The following RTKN variants were observed in gnomAD, a reference collection of about 807,000 sequenced individuals.
The protein encoded by RTKN is rhotekin.
In RTKN, 49 loss-of-function variants were observed where a neutral mutation model predicts 63.5. That is an observed-to-expected ratio of 0.77 (90% CI 0.61 to 0.98). The LOEUF is 0.98. Among genes scored for constraint, RTKN ranks in the 50% least tolerant of loss-of-function variants. The pLI is 0.00. For synonymous variants in RTKN, 295 were observed against 290.4 expected (o/e 1.02, Z -0.16); for missense variants, 685 against 740.8 (o/e 0.92, Z 0.87).
intron 2 of RTKN, among the ~76,000 whole-genome samples, chr2:74,431,602 C>G (rs55992452): frequency 6.6e-6 from 1 of 152,134 alleles, no homozygotes; most frequent in African/African-American, 2.4e-5. Context: ...CAGAGGCTGT[C>G]CCCCCACCAG....
rs1308886933 is a variant in RTKN at position 74,429,037 on chromosome 2, G to A, written c.756-95C>T. ...GCAGATCTGCCCCATTGTTCAGACT[G>A]CCCCACAGAAAACTCGCTTGCCTCC... On this transcript the variant is annotated intron_variant, in intron 6 of 11. Transcript: ENST00000272430. The A allele has an allele frequency of 7.0e-6, 7 of 1,001,210 alleles. No individual in the cohort carries two copies. In the East Asian group the frequency reaches 1.2e-4, roughly 18 times the overall value. 62.0% of individuals were successfully genotyped at this position (1,001,210 alleles called of 1,614,324 possible).
At chr2:74,431,065 A>AT (rs3216578) in intron 2 of RTKN, 5,932 of 164,336 alleles carry the variant, frequency 0.036, 107 homozygotes, top group South Asian at 0.092. Flanking sequence ...TCCAGTCTTT[A>AT]TTTTTTTTTT....
chr2:74,441,121 A>T (rs907224410), intron 1 of RTKN, among the ~76,000 whole-genome samples: 1 of 152,024 alleles, frequency 6.6e-6, no homozygotes, highest in Non-Finnish European at 1.5e-5. Context: ...TAGGGGCTGG[A>T]CTCCTCTTAG....
rs2103914900 is a variant in RTKN, at chr2:74,436,261, C to T, written c.112-3595G>A. Among the ~76,000 whole-genome samples the T allele has an allele frequency of 6.6e-6, 1 of 152,384 alleles. No individual in the cohort carries two copies. Among genetic ancestry groups the T allele is most frequent in the African/African-American group, 2.4e-5 (1 of 41,592 alleles). On this transcript the variant is annotated intron_variant, in intron 1 of 11. Coordinates refer to ENST00000272430, the MANE Select transcript of RTKN (RefSeq NM_001015055.2). This position sits in a 1 kb window ranked among gnomAD's most constrained non-coding sequence, Gnocchi z 4.3. Reference sequence around the variant, plus strand: ...GCGAGGTCCAGAGAGCTGCACTGGCCTGGGGAGCCGGCTGGGTCCGAGGGC... The same window carrying T: ...GCGAGGTCCAGAGAGCTGCACTGGCTTGGGGAGCCGGCTGGGTCCGAGGGC...
rs1430730444 is a variant in RTKN at position 74,429,847 on chromosome 2, G to A, written c.736C>T (p.Leu246Phe). Residue 246 changes from leucine (L) to phenylalanine (F), a missense_variant, in exon 6 of 12, where the codon CTC (leucine) becomes TTC (phenylalanine). Coordinates refer to ENST00000272430, the MANE Select transcript of RTKN (RefSeq NM_001015055.2). ...AGGSGSSPIL[L>F]PTPVVGGPRY... ...CCTTACCCAACAACTGGGGTGGGGAGCAAGATGGGACTGCTCCCTGAACCC... is the reference window on the plus strand; with the variant it reads ...CCTTACCCAACAACTGGGGTGGGGAACAAGATGGGACTGCTCCCTGAACCC... The A allele has an allele frequency of 3.1e-6, 5 of 1,613,776 alleles. No homozygotes were observed. The highest frequency in any genetic ancestry group is 4.2e-6 in the Non-Finnish European group (5 of 1,179,964).
At position 74,429,887 on chromosome 2, in the gene RTKN, C is replaced by G; in HGVS notation, c.696G>C (p.Ser232=). 1 of 1,614,216 alleles carries G rather than the reference C, an allele frequency of 6.2e-7. No individual in the cohort carries two copies. Among genetic ancestry groups the G allele is most frequent in the African/African-American group, 1.3e-5 (1 of 75,062 alleles). Residue 232 remains serine, a synonymous_variant, in exon 6 of 12, where the codon TCG becomes TCC. Transcript: ENST00000272430. ...GRSSGRRVRA[S]LDSAGGSGSS... is the part of the protein sequence containing the mutation. Reference sequence around the variant, plus strand: ...TCCCTGAACCCCCAGCACTGTCCAGCGATGCCCGGACACGCCTCCCTGAGG... The same window carrying G: ...TCCCTGAACCCCCAGCACTGTCCAGGGATGCCCGGACACGCCTCCCTGAGG...
rs932659329 is a variant in RTKN, at chr2:74,436,605, T to A, written c.112-3939A>T. 6.6e-6 allele frequency among the ~76,000 whole-genome samples: 1 copy of A among 151,684 alleles called. No homozygotes were observed. The highest frequency in any genetic ancestry group is 1.5e-5 in the Non-Finnish European group (1 of 67,900). The stretch of plus-strand genomic sequence containing the variant: ...TCCAAGGTGACCCCTTGCCTGAGAG[T>A]ATGGAGGGCGAATAGTGTATAAATT... On this transcript the variant is annotated intron_variant, in intron 1 of 11. Transcript: ENST00000272430. This position sits in a 1 kb window ranked among gnomAD's most constrained non-coding sequence, Gnocchi z 4.3.
Position 74,426,260 on chromosome 2 carries a change from G to A in RTKN, c.1675C>T (p.Leu559Phe). The change falls in exon 12 of 12, where the codon CTC (leucine) becomes TTC (phenylalanine). Residue 559 changes from leucine (L) to phenylalanine (F), a missense_variant. Physicochemically the swap from Leu to Phe is conservative, Grantham distance 22 (BLOSUM62 0). Coordinates refer to ENST00000272430, the MANE Select transcript of RTKN (RefSeq NM_001015055.2). ...LCSKGQPRTWLQSPV is the reference protein window; with the variant it reads ...LCSKGQPRTWFQSPV ...TTTCTCTCTCACACTGGTGACTGGA[G>A]CCAAGTGCGAGGTTGGCCTTTGCTG... 6.2e-7 allele frequency: 1 copy of A among 1,614,044 alleles called. No individual in the cohort carries two copies. The highest frequency in any genetic ancestry group is 8.5e-7 in the Non-Finnish European group (1 of 1,179,918).
Position 74,426,376 on chromosome 2 carries a change from G to C in RTKN, c.1559C>G (p.Ser520Cys), listed in dbSNP as rs1670390683. 6.2e-7 allele frequency: 1 copy of C among 1,611,494 alleles called. No homozygotes were observed. Among genetic ancestry groups the C allele is most frequent in the Non-Finnish European group, 8.5e-7 (1 of 1,178,722 alleles). Reference sequence around the variant, plus strand: ...GTGGTCTGGGGGGACAGCATCCAGGGAAAAGGTTCGGGGTCTCCCCCAGGG... The same window carrying C: ...GTGGTCTGGGGGGACAGCATCCAGGCAAAAGGTTCGGGGTCTCCCCCAGGG... ...PLPWGRPRTFSLDAVPPDHSP... is the reference protein window; with the variant it reads ...PLPWGRPRTFCLDAVPPDHSP... Residue 520 changes from serine to cysteine, a missense_variant, in exon 12 of 12, where the codon TCC becomes TGC. Ser to Cys is a moderately radical substitution (Grantham distance 112, BLOSUM62 -1). Coordinates refer to ENST00000272430, the MANE Select transcript of RTKN (RefSeq NM_001015055.2).
intron 1 of RTKN, chr2:74,440,561 C>A: frequency 1.0e-6 from 1 of 985,954 alleles, no homozygotes. Flanking sequence ...TGCGGCTCCG[C>A]CCCAGCTCCT....
At chr2:74,432,141 A>T in intron 2 of RTKN, 1 of 456,290 alleles carries the variant, frequency 2.2e-6, no homozygotes, top group Admixed American at 3.5e-5. Flanking sequence ...TGAGGAAATT[A>T]ATTTTCCAAA....
At chr2:74,439,804 G>T in intron 1 of RTKN, 1 of 1,409,972 alleles carries the variant, frequency 7.1e-7, no homozygotes. Context: ...CCCTCTGGCT[G>T]CTGTGACAAA....
rs763441002 is a variant in RTKN at position 74,428,703 on chromosome 2, G to A, written c.885C>T (p.Ser295=). 1.0e-4 allele frequency: 169 copies of A among 1,613,884 alleles called. No individual in the cohort carries two copies. Among genetic ancestry groups the A allele is most frequent in the Non-Finnish European group, 1.4e-4 (163 of 1,179,982 alleles). The change falls in exon 8 of 12, where the codon AGC becomes AGT. Residue 295 remains serine (S), a synonymous_variant. Coordinates refer to ENST00000272430, the MANE Select transcript of RTKN (RefSeq NM_001015055.2). ...ENPAWLPLYG[S]VCCRLAAQPL... ...GCTGAGCTGCCAGACGGCAACACACGCTACCATAAAGGGGCAGCCAGGCAG... is the reference window on the plus strand; with the variant it reads ...GCTGAGCTGCCAGACGGCAACACACACTACCATAAAGGGGCAGCCAGGCAG...
chr2:74,440,546 G>T, intron 1 of RTKN: 1 of 986,056 alleles, frequency 1.0e-6, no homozygotes, highest in Non-Finnish European at 1.2e-6. Context: ...GCGGCCGCCA[G>T]GCCCTGCGGC....
chr2:74,428,433 G>C (rs114672825), intron 8 of RTKN, 37 bp from the exon 9 acceptor site: 3 of 1,613,842 alleles, frequency 1.9e-6, no homozygotes, highest in South Asian at 1.1e-5. Context: ...GGGAAGTCAC[G>C]GCCCCCAGTA....
In RTKN at chr2:74,441,716, T is replaced by A; in HGVS notation, c.101A>T (p.Asp34Val). 1.2e-6 allele frequency: 2 copies of A among 1,610,152 alleles called. No homozygotes were observed. The highest frequency in any genetic ancestry group is 1.7e-4 in the Middle Eastern group (1 of 5,926). Residue 34 changes from aspartate (D) to valine (V), a missense_variant, in exon 1 of 12, where the codon GAC (aspartate) becomes GTC (valine). Physicochemically the swap from Asp to Val is radical, Grantham distance 152. Coordinates refer to ENST00000272430, the MANE Select transcript of RTKN (RefSeq NM_001015055.2). ...ACGCGAGTCTCTCACCTCGGGCAGG[T>A]CGCTGAAGAGGCTGAGTCGGAAGCG... ...RGRFRLSLFS[D>V]LPEDTELQRK... is the part of the protein sequence containing the mutation.
At chr2:74,439,098 G>T (rs1292884831) in intron 1 of RTKN, among the ~76,000 whole-genome samples, 1 of 152,128 alleles carries the variant, frequency 6.6e-6, no homozygotes, top group Non-Finnish European at 1.5e-5. Context: ...AATATAGTGA[G>T]ACCTCGTCTC....
chr2:74,426,533 G>T lies in RTKN; in HGVS notation c.1402C>A (p.Leu468Met). The T allele has an allele frequency of 6.5e-7, 1 of 1,547,586 alleles. No homozygotes were observed. The highest frequency in any genetic ancestry group is 2.3e-5 in the East Asian group (1 of 44,152). ...LDDIAAVTDILTQREGARLET... is the reference protein window; with the variant it reads ...LDDIAAVTDIMTQREGARLET... ...AGCCTTGCGCCCTCCCGCTGGGTCAGGATGTCTGTCACCGCTGCGATGTCA... is the reference window on the plus strand; with the variant it reads ...AGCCTTGCGCCCTCCCGCTGGGTCATGATGTCTGTCACCGCTGCGATGTCA... Residue 468 changes from leucine (L) to methionine (M), a missense_variant, in exon 12 of 12, where the codon CTG becomes ATG. Leu to Met is a conservative substitution (Grantham distance 15, BLOSUM62 2). Transcript: ENST00000272430.
chr2:74,439,937 C>T, intron 1 of RTKN: 1 of 1,191,002 alleles, frequency 8.4e-7, no homozygotes. Context: ...GCTCTAGGCA[C>T]AGAGTGTCCA....
Sources: allele counts gnomAD v4.1 joint callset (sites outside exome capture counted in the v4.1 genomes callset), GRCh38; gene constraint gnomAD v4.1.1; non-coding constraint Gnocchi (gnomAD v3.1); transcripts MANE v1.5; gene names NCBI Gene and HGNC (gene_info 2026-07-23, HGNC 2026-07-21).